Variants in PITPNC1 observed in about 807,000 individuals in gnomAD.
PITPNC1 encodes the protein cytoplasmic phosphatidylinositol transfer protein 1.
PITPNC1 carries 18 observed loss-of-function variants against 44.7 expected under a neutral mutation model. The observed-to-expected ratio is 0.40, with a 90% CI of 0.28 to 0.60. The LOEUF is 0.60. PITPNC1 is among the 20% of genes least tolerant of loss of function. PITPNC1 has a pLI of 0.39. For synonymous variants in PITPNC1, 141 were observed against 149.6 expected (o/e 0.94, Z 0.42); for missense variants, 290 against 418.4 (o/e 0.69, Z 2.68).
chr17:67,576,860 C>T (rs1319034752), intron 4 of PITPNC1, among the ~76,000 whole-genome samples: 1 of 152,208 alleles, frequency 6.6e-6, no homozygotes, highest in African/African-American at 2.4e-5. Flanking sequence ...CAGTATTATA[C>T]ATTTTTAAAA....
At chr17:67,678,189 C>T (rs1181487604) in intron 8 of PITPNC1, among the ~76,000 whole-genome samples, 1 of 148,134 alleles carries the variant, frequency 6.8e-6, no homozygotes, top group Non-Finnish European at 1.5e-5. Context: ...GCACTCTAGC[C>T]TGGGTGACCG....
intron 6 of PITPNC1, among the ~76,000 whole-genome samples, chr17:67,636,223 A>G (rs1007725451): frequency 4.9e-4 from 72 of 146,060 alleles, no homozygotes; most frequent in African/African-American, 1.8e-3. Context: ...ACTTGAACCC[A>G]GGAGGCCGAG....
chr17:67,452,711 A>G (rs557833234), intron 1 of PITPNC1, among the ~76,000 whole-genome samples: 166 of 151,924 alleles, frequency 1.1e-3, no homozygotes, highest in Middle Eastern at 6.8e-3. Context: ...CAGGATGGTC[A>G]CGAACTCCTC....
intron 1 of PITPNC1, chr17:67,524,657 A>G (rs1009045507): frequency 5.9e-5 from 9 of 152,008 alleles, no homozygotes; most frequent in Admixed American, 4.6e-4. Context: ...TTTCATTGGC[A>G]GTACTTGATC....
At chr17:67,497,351 T>C (rs2039967025) in intron 1 of PITPNC1, among the ~76,000 whole-genome samples, 1 of 151,678 alleles carries the variant, frequency 6.6e-6, no homozygotes, top group Non-Finnish European at 1.5e-5. Context: ...TAAAGCTTAA[T>C]TTATAATGGA....
chr17:67,660,349 G>A (rs755926753), intron 6 of PITPNC1, among the ~76,000 whole-genome samples: 30 of 152,080 alleles, frequency 2.0e-4, no homozygotes, highest in Non-Finnish European at 3.7e-4. Flanking sequence ...GGGGTGCTAT[G>A]GAAAAGCATG....
At chr17:67,681,950 C>A (rs139213139) in intron 8 of PITPNC1, among the ~76,000 whole-genome samples, 6 of 152,246 alleles carry the variant, frequency 3.9e-5, no homozygotes, top group African/African-American at 1.4e-4. Context: ...GTAATCCCAA[C>A]ACTTTGGGAG....
intron 7 of PITPNC1, among the ~76,000 whole-genome samples, chr17:67,671,765 T>C (rs1252183561): frequency 6.6e-6 from 1 of 152,172 alleles, no homozygotes; most frequent in Non-Finnish European, 1.5e-5. Flanking sequence ...GTGTCCTGAT[T>C]ATTGCACAGG....
intron 8 of PITPNC1, among the ~76,000 whole-genome samples, chr17:67,682,252 C>A (rs1363802123): frequency 6.6e-6 from 1 of 152,048 alleles, no homozygotes; most frequent in African/African-American, 2.4e-5. Flanking sequence ...ACATGTACAA[C>A]AAGTACAAAG....
intron 5 of PITPNC1, among the ~76,000 whole-genome samples, chr17:67,581,769 C>T (rs2041237273): frequency 6.6e-6 from 1 of 152,216 alleles, no homozygotes; most frequent in Admixed American, 6.5e-5. Context: ...CACGGTGGCT[C>T]ACGCCTGTAA....
chr17:67,584,215 C>A (rs1487097828), intron 5 of PITPNC1, among the ~76,000 whole-genome samples: 3 of 152,166 alleles, frequency 2.0e-5, no homozygotes, highest in Non-Finnish European at 4.4e-5. Flanking sequence ...GTAAACCCCA[C>A]TCCATTCCAC....
intron 1 of PITPNC1, among the ~76,000 whole-genome samples, chr17:67,427,242 G>A (rs1002570700): frequency 6.6e-6 from 1 of 151,872 alleles, no homozygotes; most frequent in East Asian, 1.9e-4. Context: ...ACAGAGTCTC[G>A]CTCTGCTGCC....
At chr17:67,430,915 C>T (rs1294198730) in intron 1 of PITPNC1, among the ~76,000 whole-genome samples, 1 of 152,092 alleles carries the variant, frequency 6.6e-6, no homozygotes, top group Non-Finnish European at 1.5e-5. Flanking sequence ...CACCACTGCA[C>T]TCCAGCCTGT....
At chr17:67,633,243 C>T (rs2041992847) in intron 6 of PITPNC1, among the ~76,000 whole-genome samples, 1 of 152,162 alleles carries the variant, frequency 6.6e-6, no homozygotes, top group South Asian at 2.1e-4. Context: ...CCAGACTCGT[C>T]CTTGAGCCGT....
chr17:67,555,698 G>C (rs1296695738), intron 4 of PITPNC1, among the ~76,000 whole-genome samples: 2 of 148,336 alleles, frequency 1.3e-5, no homozygotes, highest in African/African-American at 5.0e-5. Flanking sequence ...AAAAAAGGTA[G>C]TTGGGTGTGG....
intron 1 of PITPNC1, among the ~76,000 whole-genome samples, chr17:67,469,667 T>G (rs997571668): frequency 2.6e-5 from 4 of 152,096 alleles, no homozygotes; most frequent in African/African-American, 9.7e-5. Flanking sequence ...GTCCCTCAGC[T>G]CAGAGATTCC....
intron 5 of PITPNC1, among the ~76,000 whole-genome samples, chr17:67,578,827 C>CA (rs2041186566): frequency 6.6e-6 from 1 of 152,096 alleles, no homozygotes; most frequent in South Asian, 2.1e-4. Context: ...ACTAAAAATA[C>CA]AAAAATTAGC....
chr17:67,553,805 A>G (rs1415618067), intron 4 of PITPNC1, among the ~76,000 whole-genome samples, 188 bp downstream of exon 4: 1 of 152,244 alleles, frequency 6.6e-6, no homozygotes, highest in African/African-American at 2.4e-5. Flanking sequence ...TCATTTGTTC[A>G]AGAATGTGAA....
At chr17:67,397,796 A>G (rs1034527151) in intron 1 of PITPNC1, among the ~76,000 whole-genome samples, 4 of 152,100 alleles carry the variant, frequency 2.6e-5, no homozygotes, top group African/African-American at 7.2e-5. Flanking sequence ...TTGCATCAAT[A>G]CTTCAAAGGG....
Sources: allele counts gnomAD v4.1 joint callset (sites outside exome capture counted in the v4.1 genomes callset), GRCh38; gene constraint gnomAD v4.1.1; transcripts MANE v1.5; gene names NCBI Gene and HGNC (gene_info 2026-07-23, HGNC 2026-07-21).